Variants in COG5 observed in about 807,000 individuals in gnomAD.
The protein encoded by COG5 is component of oligomeric golgi complex 5.
A neutral mutation model predicts 110.4 loss-of-function variants in COG5; 86 were observed. The observed-to-expected ratio is 0.78, with a 90% CI of 0.65 to 0.93. COG5 has a LOEUF of 0.93. Ranked by LOEUF, COG5 falls within the 40% of genes least tolerant of loss-of-function variation. COG5 has a pLI of 0.00. For synonymous variants in COG5, 360 were observed against 334.6 expected (o/e 1.08, Z -0.83); for missense variants, 1,077 against 987.0 (o/e 1.09, Z -1.22).
chr7:107,532,199 T>C (rs558780469), intron 5 of COG5, among the ~76,000 whole-genome samples: 2 of 152,234 alleles, frequency 1.3e-5, no homozygotes, highest in South Asian at 2.1e-4. Flanking sequence ...TGGGATTACA[T>C]GTGTCTGCCA....
chr7:107,297,696 C>T (rs919709680), intron 12 of COG5, among the ~76,000 whole-genome samples: 5 of 152,032 alleles, frequency 3.3e-5, no homozygotes, highest in African/African-American at 1.2e-4. Context: ...ATCCACTCTG[C>T]TTTTTGTTAA....
rs144052200 is a variant in COG5 at position 107,311,683 on chromosome 7, G to A, written c.1108+12757C>T. Among the ~76,000 whole-genome samples, 32 of 152,016 alleles carry A rather than the reference G, an allele frequency of 2.1e-4. No individual in the cohort carries two copies. The East Asian group carries it at 5.6e-3, about 27-fold the overall frequency. ...GCTGGGATTACAGGCGTGAGCCACC[G>A]CGCCCGGCCACATTTTTTTCCCTAT... On this transcript the variant is annotated intron_variant, in intron 11 of 21. Coordinates refer to ENST00000297135, the MANE Select transcript of COG5 (RefSeq NM_006348.5).
intron 6 of COG5, among the ~76,000 whole-genome samples, chr7:107,498,615 A>G (rs1798426129): frequency 6.6e-6 from 1 of 152,138 alleles, no homozygotes; most frequent in South Asian, 2.1e-4. Context: ...ATTAAAAAAA[A>G]CAAACAAGCA....
chr7:107,509,875 G>T (rs965736649), intron 6 of COG5, among the ~76,000 whole-genome samples: 12 of 152,178 alleles, frequency 7.9e-5, no homozygotes, highest in African/African-American at 2.9e-4. Flanking sequence ...CACCAGGCCT[G>T]CCCTAAAAGA....
At chr7:107,453,780 C>G (rs1242044883) in intron 6 of COG5, among the ~76,000 whole-genome samples, 1 of 152,150 alleles carries the variant, frequency 6.6e-6, no homozygotes, top group Non-Finnish European at 1.5e-5. Flanking sequence ...ATACTTAACA[C>G]AGCTCTTATA....
At chr7:107,415,638 T>G (rs1241585710) in intron 6 of COG5, among the ~76,000 whole-genome samples, 3 of 151,396 alleles carry the variant, frequency 2.0e-5, no homozygotes, top group African/African-American at 7.3e-5. Context: ...GTGAATATAT[T>G]TGAGCACAAA....
At chr7:107,219,270 A>C (rs1799733866) in intron 19 of COG5, among the ~76,000 whole-genome samples, 1 of 152,162 alleles carries the variant, frequency 6.6e-6, no homozygotes, top group African/African-American at 2.4e-5. Context: ...ATTTTGGAAA[A>C]CTGTATGGCA....
At chr7:107,485,768 C>A (rs1016812068) in intron 6 of COG5, among the ~76,000 whole-genome samples, 2 of 152,210 alleles carry the variant, frequency 1.3e-5, no homozygotes, top group Middle Eastern at 3.4e-3. Flanking sequence ...GTTGTACTTG[C>A]TTACAGAAGC....
chr7:107,464,886 C>T (rs1055569349), intron 6 of COG5, among the ~76,000 whole-genome samples: 3 of 152,050 alleles, frequency 2.0e-5, no homozygotes, highest in Non-Finnish European at 4.4e-5. Flanking sequence ...GGGAAAGTTG[C>T]CATTTTTATA....
intron 7 of COG5, among the ~76,000 whole-genome samples, chr7:107,375,910 TTTCA>T (rs1814601148): frequency 6.6e-6 from 1 of 151,990 alleles, no homozygotes; most frequent in Non-Finnish European, 1.5e-5. Flanking sequence ...TAAAGATATC[TTTCA>T]TTCATAAAGT....
At chr7:107,300,914 A>G (rs1003789409) in intron 11 of COG5, among the ~76,000 whole-genome samples, 1 of 152,144 alleles carries the variant, frequency 6.6e-6, no homozygotes, top group Non-Finnish European at 1.5e-5. Context: ...ATATAAAACT[A>G]TAATAATTAA....
Position 107,272,396 on chromosome 7 carries a change from T to C in COG5, c.1575+8904A>G, listed in dbSNP as rs534928040. ...CCACTGTTCATCTTACATATGTTGA[T>C]TGATGTCTCATGACTCCCTAAAATG... is the stretch of plus-strand genomic sequence containing the variant. On this transcript the variant is annotated intron_variant, in intron 14 of 21. Coordinates refer to ENST00000297135, the MANE Select transcript of COG5 (RefSeq NM_006348.5). Among the ~76,000 whole-genome samples the C allele has an allele frequency of 2.0e-5, 3 of 152,296 alleles. No individual in the cohort carries two copies. The South Asian group carries it at 6.2e-4, about 32-fold the overall frequency.
intron 7 of COG5, among the ~76,000 whole-genome samples, chr7:107,382,011 A>G (rs1815166030): frequency 6.6e-6 from 1 of 152,230 alleles, no homozygotes; most frequent in Non-Finnish European, 1.5e-5. Flanking sequence ...CTTTTGCAAC[A>G]TGACACAACT....
At chr7:107,228,902 T>G (rs930097070) in intron 19 of COG5, among the ~76,000 whole-genome samples, 1 of 152,126 alleles carries the variant, frequency 6.6e-6, no homozygotes, top group Non-Finnish European at 1.5e-5. Context: ...TACCAAAGCT[T>G]GATGACAGAA....
At chr7:107,459,797 G>GC (rs1315564667) in intron 6 of COG5, among the ~76,000 whole-genome samples, 1 of 46,572 alleles carries the variant, frequency 2.1e-5, no homozygotes, top group African/African-American at 1.7e-4. Flanking sequence ...TTCTGGCTCA[G>GC]GGAAAAAAAA....
At chr7:107,449,029 CA>C (rs1795173947) in intron 6 of COG5, among the ~76,000 whole-genome samples, 1 of 152,052 alleles carries the variant, frequency 6.6e-6, no homozygotes, top group African/African-American at 2.4e-5. Flanking sequence ...TGTAAACAAA[CA>C]TAAAGATGTG....
At chr7:107,349,779 CG>C (rs1811973556) in intron 10 of COG5, among the ~76,000 whole-genome samples, 1 of 152,096 alleles carries the variant, frequency 6.6e-6, no homozygotes. Context: ...AGGATGGTCT[CG>C]ATCTCCTGAC....
intron 2 of COG5, among the ~76,000 whole-genome samples, chr7:107,557,176 C>A (rs952358362): frequency 5.3e-5 from 8 of 152,156 alleles, no homozygotes; most frequent in African/African-American, 1.9e-4. Flanking sequence ...CTATCTAAGG[C>A]ACTCAAAGAA....
At chr7:107,420,131 AG>A (rs1793175202) in intron 6 of COG5, among the ~76,000 whole-genome samples, 1 of 152,242 alleles carries the variant, frequency 6.6e-6, no homozygotes, top group Non-Finnish European at 1.5e-5. Context: ...ATTACATGAT[AG>A]AAAGAATACA....
Sources: gnomAD v4.1 joint callset for allele counts (sites outside exome capture counted in the v4.1 genomes callset) on GRCh38, gnomAD v4.1.1 for gene constraint, MANE v1.5 for transcripts, NCBI Gene and HGNC (gene_info 2026-07-23, HGNC 2026-07-21) for gene names.